The following NAA16 variants were observed in gnomAD, a reference collection of about 807,000 sequenced individuals.
NAA16 encodes the protein NARG1-like protein.
In NAA16, 97 loss-of-function variants were observed where a neutral mutation model predicts 110.3. That is an observed-to-expected ratio of 0.88 (90% CI 0.75 to 1.04). The LOEUF is 1.04. Among genes scored for constraint, NAA16 ranks in the 50% least tolerant of loss-of-function variants. The pLI, the probability that NAA16 is intolerant of heterozygous loss-of-function variation, is 0.00. For synonymous variants in NAA16, 372 were observed against 330.6 expected (o/e 1.13, Z -1.36); for missense variants, 1,017 against 1,005.1 (o/e 1.01, Z -0.16).
At position 41,319,533 on chromosome 13, in the gene NAA16, G is replaced by A. The variant is rs113504763; in HGVS notation, c.244+623G>A. Among the ~76,000 whole-genome samples the A allele has an allele frequency of 4.3e-3, 653 of 151,510 alleles. 2 individuals carry two copies. The highest frequency in any genetic ancestry group is 7.2e-3 in the Non-Finnish European group (489 of 67,876). On this transcript the variant is annotated intron_variant, in intron 3 of 19. Transcript: ENST00000379406. ...AAAAAAAATTTTTTTTTGTTTTTTG[G>A]GGGGAGGGAGTCTCACTCTGTCACC...
intron 7 of NAA16, among the ~76,000 whole-genome samples, chr13:41,330,048 G>A (rs1179059022): frequency 1.3e-5 from 2 of 151,212 alleles, no homozygotes; most frequent in East Asian, 1.9e-4. Flanking sequence ...CATACTTGGC[G>A]CTTGTTGTTC....
At chr13:41,311,675 C>T (rs1254498852) in intron 1 of NAA16, 93 bp downstream of exon 1, 4 of 1,182,014 alleles carry the variant, frequency 3.4e-6, no homozygotes, top group Non-Finnish European at 3.6e-6. Context: ...GCGGGCCAGG[C>T]TTGGCCTCCG....
intron 9 of NAA16, among the ~76,000 whole-genome samples, chr13:41,354,151 A>G (rs773099611): frequency 7.9e-5 from 12 of 152,204 alleles, no homozygotes. Flanking sequence ...GAACTTTACT[A>G]GAGATCCTGC....
intron 9 of NAA16, among the ~76,000 whole-genome samples, chr13:41,349,526 T>C (rs2042771696): frequency 6.6e-6 from 1 of 152,050 alleles, no homozygotes; most frequent in African/African-American, 2.4e-5. Context: ...CATATGTTTG[T>C]CTTTTATTTT....
chr13:41,319,230 T>G (rs1274349511), intron 3 of NAA16, among the ~76,000 whole-genome samples: 1 of 151,980 alleles, frequency 6.6e-6, no homozygotes, highest in Non-Finnish European at 1.5e-5. Flanking sequence ...AATTGTGACT[T>G]GAAACCCATT....
rs1191866027 is a variant in NAA16 at position 41,375,460 on chromosome 13, C to G, written c.2453C>G (p.Ser818Cys). The G allele has an allele frequency of 1.9e-6, 3 of 1,613,756 alleles. No homozygotes were observed. Among genetic ancestry groups the G allele is most frequent in the Non-Finnish European group, 2.5e-6 (3 of 1,179,862 alleles). The change falls in exon 20 of 20, where the codon TCC becomes TGC. Residue 818 changes from serine (S) to cysteine (C), a missense_variant. Ser to Cys is a moderately radical substitution (Grantham distance 112, BLOSUM62 -1). Transcript: ENST00000379406. ...GATGGCAGCTTTGGGAACTGTAGTT[C>G]CCAATATGAAGAATATAGGATGGCC... ...LLDGSFGNCS[S>C]QYEEYRMACH...
Position 41,376,457 on chromosome 13 carries a change from T to G in NAA16, c.*855T>G, listed in dbSNP as rs1475607492. ...GTTTTATGTAGATGATTTCAGAATG[T>G]GAAGGCTGGTTTGCCTGTCAGTCAT... On this transcript the variant is annotated 3_prime_UTR_variant, in exon 20 of 20. Transcript: ENST00000379406. 2.0e-5 allele frequency: 3 copies of G among 152,212 alleles called. No individual in the cohort carries two copies. The allele number at this position is 152,212 out of a possible 1,614,324, so 9.4% of individuals were successfully genotyped here. A position where few individuals can be genotyped will look rare whatever the true frequency, so the allele number is the denominator to read the frequency against.
chr13:41,365,609 T>C (rs1316590526), intron 13 of NAA16, among the ~76,000 whole-genome samples: 3 of 152,292 alleles, frequency 2.0e-5, no homozygotes, highest in African/African-American at 7.2e-5. Flanking sequence ...TATTATGGAG[T>C]GATTAACAAG....
chr13:41,372,413 T>G, intron 16 of NAA16, 102 bp downstream of exon 16: 2 of 1,377,024 alleles, frequency 1.5e-6, no homozygotes, highest in Non-Finnish European at 1.9e-6. Context: ...GATTTTCATT[T>G]TAGCCTTCTA....
chr13:41,373,380 C>T (rs1263151223), intron 17 of NAA16: 1 of 287,406 alleles, frequency 3.5e-6, no homozygotes, highest in Non-Finnish European at 5.2e-6. Context: ...GACTCAGCCT[C>T]TTGAGTAGCT....
At position 41,350,072 on chromosome 13, in the gene NAA16, T is replaced by C. The variant is rs2139466952; in HGVS notation, c.1015-5072T>C. Among the ~76,000 whole-genome samples, 2 of 151,594 alleles carry C rather than the reference T, an allele frequency of 1.3e-5. 1 individual carries two copies. The highest frequency in any genetic ancestry group is 4.2e-4 in the South Asian group (2 of 4,804). On this transcript the variant is annotated intron_variant, in intron 9 of 19. Transcript: ENST00000379406. Reference sequence around the variant, plus strand: ...TCCAAGGCAGGAGGATTGCTTGAGCTCAGCCTGGGCAATGTAGTGAGGCAG... The same window carrying C: ...TCCAAGGCAGGAGGATTGCTTGAGCCCAGCCTGGGCAATGTAGTGAGGCAG...
intron 4 of NAA16, among the ~76,000 whole-genome samples, chr13:41,321,447 G>C (rs1655046155): frequency 6.6e-6 from 1 of 152,136 alleles, no homozygotes; most frequent in Admixed American, 6.6e-5. Flanking sequence ...AAAGTTCTGG[G>C]ATTACAGGCA....
chr13:41,358,607 G>T lies in NAA16; in HGVS notation c.1257+134G>T, dbSNP rs1054131872. 6 of 1,459,430 alleles carry T rather than the reference G, an allele frequency of 4.1e-6. No homozygotes were observed. The African/African-American group carries it at 8.6e-5, about 21-fold the overall frequency. The allele number at this position is 1,459,430 out of a possible 1,614,324, so 90.4% of individuals were successfully genotyped here. On this transcript the variant is annotated intron_variant, in intron 11 of 19. Coordinates refer to ENST00000379406, the MANE Select transcript of NAA16 (RefSeq NM_024561.5). ...TTCTAATAATCCTGTGTAGTTTCAT[G>T]TTATATTAATTGTATAATCAATGTG...
intron 9 of NAA16, among the ~76,000 whole-genome samples, chr13:41,339,496 G>T (rs2042476525): frequency 6.6e-6 from 1 of 152,024 alleles, no homozygotes; most frequent in African/African-American, 2.4e-5. Flanking sequence ...CTAGAGTTTG[G>T]GTAGAGTGGA....
intron 1 of NAA16, among the ~76,000 whole-genome samples, chr13:41,313,232 T>A (rs2041695671): frequency 6.6e-6 from 1 of 152,132 alleles, no homozygotes; most frequent in African/African-American, 2.4e-5. Context: ...TAAAAAAAAA[T>A]CAATTATTTT....
chr13:41,349,558 A>G (rs2042772125), intron 9 of NAA16, among the ~76,000 whole-genome samples: 1 of 152,110 alleles, frequency 6.6e-6, no homozygotes. Flanking sequence ...GAGGAAAAAC[A>G]GGTTTTCTTG....
chr13:41,332,170 G>GAA (rs1331605676), intron 8 of NAA16, among the ~76,000 whole-genome samples: 1 of 151,248 alleles, frequency 6.6e-6, no homozygotes, highest in Non-Finnish European at 1.5e-5. Context: ...CTATAGTTTT[G>GAA]AAGTTTTTGT....
At chr13:41,325,388 C>T (rs1182411386) in intron 5 of NAA16, among the ~76,000 whole-genome samples, 1 of 151,888 alleles carries the variant, frequency 6.6e-6, no homozygotes, top group East Asian at 1.9e-4. Context: ...TATTCTGTGA[C>T]TTTGGTAAAC....
At position 41,311,289 on chromosome 13, in the gene NAA16, G is replaced by A. The variant is rs1362757250; in HGVS notation, c.-240G>A. 6 of 543,824 alleles carry A rather than the reference G, an allele frequency of 1.1e-5. No homozygotes were observed. In the Admixed American group the frequency reaches 1.5e-4, roughly 14 times the overall value. The allele number at this position is 543,824 out of a possible 1,614,324, so 33.7% of individuals were successfully genotyped here. A position where few individuals can be genotyped will look rare whatever the true frequency, so the allele number is the denominator to read the frequency against. On this transcript the variant is annotated 5_prime_UTR_variant, in exon 1 of 20. Transcript: ENST00000379406. ...CTTGCAGTGCGCGGGAACCGCCGCCGCCGCCGCTGGCCAAAAAGCGGAGCC... is the reference window on the plus strand; with the variant it reads ...CTTGCAGTGCGCGGGAACCGCCGCCACCGCCGCTGGCCAAAAAGCGGAGCC...
Sources: allele counts gnomAD v4.1 joint callset (sites outside exome capture counted in the v4.1 genomes callset), GRCh38; gene constraint gnomAD v4.1.1; transcripts MANE v1.5; gene names NCBI Gene and HGNC (gene_info 2026-07-23, HGNC 2026-07-21).